HAT1: variants seen among roughly 807,000 people sequenced by gnomAD.
HAT1 encodes the protein histone acetyltransferase type B catalytic subunit.
Under a neutral mutation model 56.6 loss-of-function variants are expected in HAT1, and 20 were observed. That is an observed-to-expected ratio of 0.35 (90% confidence interval 0.25 to 0.51). HAT1 has a LOEUF of 0.51. HAT1 is among the 20% of genes least tolerant of loss of function. HAT1 has a pLI of 0.95. For missense variants in HAT1, 408 were observed against 504.3 expected (o/e 0.81, Z 1.83); for synonymous variants, 146 against 165.5 (o/e 0.88, Z 0.91).
At chr2:171,961,555 C>T (rs1242702325) in intron 4 of HAT1, among the ~76,000 whole-genome samples, 2 of 148,128 alleles carry the variant, frequency 1.4e-5, no homozygotes, top group African/African-American at 5.2e-5. Flanking sequence ...AGTGTTTAGC[C>T]TCTTTCTAGG....
At chr2:171,938,064 CTCTCTCTCTCTT>C (rs1298800794) in intron 2 of HAT1, among the ~76,000 whole-genome samples, 114 of 129,770 alleles carry the variant, frequency 8.8e-4, no homozygotes, top group African/African-American at 2.8e-3. Context: ...CTCTCTCTCT[CTCTCTCTCTCTT>C]TAAATGAACT....
At chr2:171,970,909 GA>G (rs947976723) in intron 8 of HAT1, among the ~76,000 whole-genome samples, 8 of 150,438 alleles carry the variant, frequency 5.3e-5, no homozygotes, top group African/African-American at 1.9e-4. Context: ...ATTAGTACTT[GA>G]AAAAATGTGG....
In HAT1 at chr2:171,965,527, A is replaced by C. The variant is rs200627910; in HGVS notation, c.489+10A>C. The C allele has an allele frequency of 1.4e-6, 2 of 1,478,092 alleles. No individual in the cohort carries two copies. Among genetic ancestry groups the C allele is most frequent in the Non-Finnish European group, 1.9e-6 (2 of 1,077,808 alleles). The allele number at this position is 1,478,092 out of a possible 1,614,324, so 91.6% of individuals were successfully genotyped here. On this transcript the variant is annotated intron_variant, in intron 5 of 10. Transcript: ENST00000264108. Reference sequence around the variant, plus strand: ...CTTTCAGATATATAAGGTAAAGATAAATCTAAATATTTATTGAGTAAAGTT... The same window carrying C: ...CTTTCAGATATATAAGGTAAAGATACATCTAAATATTTATTGAGTAAAGTT...
At chr2:171,979,396 C>A (rs748215142) in intron 10 of HAT1, 33 bp downstream of exon 10, 30 of 988,734 alleles carry the variant, frequency 3.0e-5, no homozygotes, top group Non-Finnish European at 4.4e-5. Flanking sequence ...ACACTGTATT[C>A]TTTTCACTGT....
intron 8 of HAT1, among the ~76,000 whole-genome samples, chr2:171,970,434 CACACACAGCCAT>C (rs1015863728): frequency 2.9e-4 from 44 of 149,800 alleles, no homozygotes; most frequent in African/African-American, 9.2e-4. Context: ...CACACATACA[CACACACAGCCAT>C]ACACACATAC....
intron 9 of HAT1, among the ~76,000 whole-genome samples, chr2:171,977,766 T>C (rs192124117): frequency 1.2e-3 from 187 of 151,510 alleles, no homozygotes; most frequent in African/African-American, 4.3e-3. Flanking sequence ...CACATCCTTC[T>C]TCCTTCTGTA....
intron 3 of HAT1, among the ~76,000 whole-genome samples, chr2:171,948,545 TATAC>T (rs1687228045): frequency 6.6e-6 from 1 of 152,200 alleles, no homozygotes; most frequent in South Asian, 2.1e-4. Context: ...TATCTTCTGA[TATAC>T]AGCTCATGTT....
chr2:171,929,778 A>G (rs1686691221), intron 2 of HAT1, among the ~76,000 whole-genome samples: 1 of 152,088 alleles, frequency 6.6e-6, no homozygotes, highest in Admixed American at 6.5e-5. Flanking sequence ...CTACATCTGG[A>G]CTTTTCTCAT....
Position 171,922,493 on chromosome 2 carries a change from G to C in HAT1, c.-8G>C. On this transcript the variant is annotated 5_prime_UTR_variant, in exon 1 of 11. Coordinates refer to ENST00000264108, the MANE Select transcript of HAT1 (RefSeq NM_003642.4). ...CCTTCCTCAGCCGCGGGTGATCGTA[G>C]CTCGGAAATGGCGGGTAAGTTACCG... 1 of 1,319,702 alleles carries C rather than the reference G, an allele frequency of 7.6e-7. No individual in the cohort carries two copies. Among genetic ancestry groups the C allele is most frequent in the Non-Finnish European group, 9.8e-7 (1 of 1,024,716 alleles). The allele number at this position is 1,319,702 out of a possible 1,614,324, so 81.7% of individuals were successfully genotyped here. A position where few individuals can be genotyped will look rare whatever the true frequency, so the allele number is the denominator to read the frequency against.
At chr2:171,970,089 G>A (rs13388510) in intron 8 of HAT1, among the ~76,000 whole-genome samples, 5 of 152,106 alleles carry the variant, frequency 3.3e-5, no homozygotes, top group Admixed American at 2.0e-4. Context: ...GAGCCCAGGA[G>A]GTCAAGGCTG....
intron 10 of HAT1, among the ~76,000 whole-genome samples, chr2:171,982,206 G>T (rs1300266440): frequency 6.6e-6 from 1 of 152,100 alleles, no homozygotes. Context: ...CAGTCTAAAA[G>T]GCCAGAACTG....
intron 2 of HAT1, among the ~76,000 whole-genome samples, chr2:171,939,878 A>G (rs1686976857): frequency 6.6e-6 from 1 of 151,734 alleles, no homozygotes; most frequent in Non-Finnish European, 1.5e-5. Context: ...TGTAGCCTCA[A>G]CTTCCTGAGC....
intron 9 of HAT1, among the ~76,000 whole-genome samples, chr2:171,977,470 A>AG (rs1687997005): frequency 6.9e-6 from 1 of 145,290 alleles, no homozygotes; most frequent in South Asian, 2.2e-4. Flanking sequence ...TTAAAAAAAA[A>AG]AAAAAGAAAA....
In HAT1 at chr2:171,966,860, C is replaced by T; in HGVS notation, c.734C>T (p.Thr245Ile). Residue 245 changes from threonine (T) to isoleucine (I), a missense_variant, in exon 8 of 11, where the codon ACT becomes ATT. Physicochemically the swap from Thr to Ile is moderately conservative, Grantham distance 89. Coordinates refer to ENST00000264108, the MANE Select transcript of HAT1 (RefSeq NM_003642.4). ...RPRVSQMLIL[T>I]PFQGQGHGAQ... is the part of the protein sequence containing the mutation. ...TACTGTAGTCAGATGCTGATTTTGA[C>T]TCCATTTCAAGGTCAAGGCCATGGT... The T allele has an allele frequency of 1.3e-6, 2 of 1,562,092 alleles. No individual in the cohort carries two copies. Among genetic ancestry groups the T allele is most frequent in the Non-Finnish European group, 1.8e-6 (2 of 1,135,218 alleles).
At chr2:171,935,483 C>A (rs969718097) in intron 2 of HAT1, among the ~76,000 whole-genome samples, 3 of 135,638 alleles carry the variant, frequency 2.2e-5, no homozygotes, top group Non-Finnish European at 3.0e-5. Flanking sequence ...CCATTGCACT[C>A]CAGCCTGGGC....
chr2:171,982,632 T>C (rs569865776), intron 10 of HAT1, among the ~76,000 whole-genome samples: 2 of 152,330 alleles, frequency 1.3e-5, no homozygotes, highest in East Asian at 3.9e-4. Context: ...TGATAATGTA[T>C]GTCTGGAACT....
intron 2 of HAT1, among the ~76,000 whole-genome samples, chr2:171,942,846 A>G (rs928778747): frequency 8.5e-5 from 13 of 152,256 alleles, no homozygotes; most frequent in Admixed American, 7.8e-4. Context: ...AAGAAGGCCA[A>G]TCTGAATTTT....
chr2:171,961,038 AG>A (rs2105331827), intron 4 of HAT1, among the ~76,000 whole-genome samples: 1 of 152,182 alleles, frequency 6.6e-6, no homozygotes, highest in Non-Finnish European at 1.5e-5. Context: ...GCTACTCAGG[AG>A]GGTGAGGCAG....
At chr2:171,940,676 A>G (rs1280249127) in intron 2 of HAT1, among the ~76,000 whole-genome samples, 8 of 152,156 alleles carry the variant, frequency 5.3e-5, no homozygotes, top group Admixed American at 4.6e-4. Flanking sequence ...TTGTCTTTTA[A>G]TGCAGGGTGC....
Sources: gnomAD v4.1 joint callset for allele counts (sites outside exome capture counted in the v4.1 genomes callset) on GRCh38, gnomAD v4.1.1 for gene constraint, MANE v1.5 for transcripts, NCBI Gene and HGNC (gene_info 2026-07-23, HGNC 2026-07-21) for gene names.